The following MED13 variants were observed in gnomAD, a reference collection of about 807,000 sequenced individuals.
MED13 encodes mediator complex subunit 13, also known as mediator of RNA polymerase II transcription subunit 13.
A neutral mutation model predicts 225.2 loss-of-function variants in MED13; 23 were observed. The observed-to-expected ratio is 0.10, with a 90% CI of 0.07 to 0.14. The LOEUF is 0.14. Ranked by LOEUF, MED13 falls within the 10% of genes least tolerant of loss-of-function variation. MED13 has a pLI of 1.00. For synonymous variants in MED13, 942 were observed against 889.2 expected, an observed-to-expected ratio of 1.06 and a Z score of -1.06; for missense variants, 2,197 against 2,594.5, an observed-to-expected ratio of 0.85 and a Z score of 3.33.
At chr17:62,033,471 AAC>A (rs2080775341) in intron 5 of MED13, among the ~76,000 whole-genome samples, 1 of 152,216 alleles carries the variant, frequency 6.6e-6, no homozygotes, top group South Asian at 2.1e-4. Flanking sequence ...GAGCAGATGT[AAC>A]ATACACCATA....
chr17:62,045,702 T>G (rs1383622744), intron 3 of MED13, among the ~76,000 whole-genome samples: 1 of 152,126 alleles, frequency 6.6e-6, no homozygotes, highest in Non-Finnish European at 1.5e-5. Flanking sequence ...TGTGATCCAG[T>G]CCCCAGCAAT....
chr17:62,015,913 C>CAT (rs1369178569), intron 8 of MED13, among the ~76,000 whole-genome samples: 2 of 12,056 alleles, frequency 1.7e-4, no homozygotes, highest in East Asian at 4.3e-3. Context: ...ACACACTATA[C>CAT]ACATATATAT....
chr17:62,058,678 T>C (rs1188471816), intron 2 of MED13, among the ~76,000 whole-genome samples: 1 of 152,164 alleles, frequency 6.6e-6, no homozygotes, highest in South Asian at 2.1e-4. Context: ...AAATCATCTA[T>C]GTTTGGCTTT....
chr17:61,992,663 A>G (rs992576556), intron 10 of MED13, 42 bp from the exon 11 acceptor site: 10 of 1,389,566 alleles, frequency 7.2e-6, no homozygotes, highest in Non-Finnish European at 1.0e-5. Context: ...TATATAATTT[A>G]CCAACAATAA....
At chr17:61,998,546 G>A (rs1442114966) in intron 9 of MED13, among the ~76,000 whole-genome samples, 2 of 150,890 alleles carry the variant, frequency 1.3e-5, no homozygotes, top group East Asian at 1.9e-4. Flanking sequence ...AGCTACAGAC[G>A]GAAAGTTAAG....
At chr17:62,021,559 T>C (rs996474950) in intron 8 of MED13, among the ~76,000 whole-genome samples, 7 of 152,248 alleles carry the variant, frequency 4.6e-5, no homozygotes, top group Non-Finnish European at 4.4e-5. Flanking sequence ...AGTTTTCCTA[T>C]GAACATTCCA....
In MED13 at chr17:61,943,323, T is replaced by G. The variant is rs1161878472; in HGVS notation, c.*3145A>C. 6.6e-6 allele frequency: 1 copy of G among 152,628 alleles called. No individual in the cohort carries two copies. Among genetic ancestry groups the G allele is most frequent in the African/African-American group, 2.4e-5 (1 of 41,468 alleles). 9.5% of individuals were successfully genotyped at this position (152,628 alleles called of 1,614,324 possible). A position where few individuals can be genotyped will look rare whatever the true frequency, so the allele number is the denominator to read the frequency against. ...ATATGATGCAATAGCATTTAAAAAC[T>G]TTTTAATCTATTCAATTTGAACATT... On this transcript the variant is annotated 3_prime_UTR_variant, in exon 30 of 30. Transcript: ENST00000397786.
At chr17:61,984,074 A>C in intron 15 of MED13, 97 bp downstream of exon 15, 1 of 1,013,364 alleles carries the variant, frequency 9.9e-7, no homozygotes, top group Non-Finnish European at 1.4e-6. Flanking sequence ...AATTTTCAAA[A>C]ACCAATTTTA....
At chr17:61,965,961 T>G (rs1242259968) in intron 19 of MED13, among the ~76,000 whole-genome samples, 2 of 152,202 alleles carry the variant, frequency 1.3e-5, no homozygotes, top group Non-Finnish European at 2.9e-5. Flanking sequence ...TGATCTTTAT[T>G]TTCAAGAGTA....
chr17:61,973,551 A>G (rs1388803178), intron 16 of MED13, among the ~76,000 whole-genome samples: 2 of 152,244 alleles, frequency 1.3e-5, no homozygotes, highest in Non-Finnish European at 2.9e-5. Context: ...AAAGATATTG[A>G]TATAATAAAT....
intron 16 of MED13, among the ~76,000 whole-genome samples, chr17:61,976,857 G>A (rs943931186): frequency 1.3e-5 from 2 of 152,138 alleles, no homozygotes; most frequent in Non-Finnish European, 2.9e-5. Context: ...GCGTGATCCC[G>A]GTAGGCGGAG....
intron 8 of MED13, among the ~76,000 whole-genome samples, chr17:62,012,019 C>T (rs986162240): frequency 3.3e-5 from 5 of 151,996 alleles, no homozygotes; most frequent in Admixed American, 3.3e-4. Context: ...GAGTTCGAGA[C>T]CAGCTTGGCC....
At chr17:61,951,515 T>C (rs114803785) in intron 27 of MED13, among the ~76,000 whole-genome samples, 1,944 of 152,138 alleles carry the variant, frequency 0.013, 40 homozygotes, top group African/African-American at 0.044. Context: ...TATTTAAAAA[T>C]AGATAAAATA....
At position 61,982,237 on chromosome 17, in the gene MED13, C is replaced by G. The variant is rs1189568307; in HGVS notation, c.3766G>C (p.Val1256Leu). The G allele has an allele frequency of 1.2e-6, 2 of 1,613,970 alleles. No homozygotes were observed. Among genetic ancestry groups the G allele is most frequent in the African/African-American group, 2.7e-5 (2 of 74,938 alleles). The change falls in exon 16 of 30, where the codon GTG becomes CTG. Residue 1256 changes from valine (V) to leucine (L), a missense_variant. Physicochemically the swap from Val to Leu is conservative, Grantham distance 32. Coordinates refer to ENST00000397786, the MANE Select transcript of MED13 (RefSeq NM_005121.3). ...CAGGGGTGTAAGCATGAACTTTTCA[C>G]AAGTGCTTCATCAACTTTTCCTCCT... Reference protein sequence around the residue: ...MSGGKVDEALVKSSCLHPWSK... With the variant: ...MSGGKVDEALLKSSCLHPWSK...
chr17:61,991,081 C>A (rs747529737), intron 11 of MED13, among the ~76,000 whole-genome samples: 1 of 152,122 alleles, frequency 6.6e-6, no homozygotes, highest in Non-Finnish European at 1.5e-5. Flanking sequence ...ACAACACAAT[C>A]ATAGTTGAGC....
Position 62,047,685 on chromosome 17 carries a change from C to T in MED13, c.470+4852G>A, listed in dbSNP as rs114328862. 6.6e-3 allele frequency among the ~76,000 whole-genome samples: 1,004 copies of T among 151,826 alleles called. 11 individuals are homozygous for T. Among genetic ancestry groups the T allele is most frequent in the African/African-American group, 0.023 (943 of 41,370 alleles). On this transcript the variant is annotated intron_variant, in intron 3 of 29. Transcript: ENST00000397786. ...TTATGTATCTATTAACAAACCTGCA[C>T]GTTCTGCACATGTATTGCAGAACTT...
intron 23 of MED13, among the ~76,000 whole-genome samples, chr17:61,960,154 T>C (rs1403281527): frequency 6.6e-6 from 1 of 152,236 alleles, no homozygotes. Context: ...TATTAAGTGA[T>C]AACTCAAAAT....
At chr17:61,959,787 G>A (rs186989572) in intron 23 of MED13, among the ~76,000 whole-genome samples, 3 of 148,634 alleles carry the variant, frequency 2.0e-5, no homozygotes, top group Admixed American at 1.3e-4. Context: ...AAAGTGCAGT[G>A]GTGCAATCTC....
intron 9 of MED13, chr17:62,003,742 A>G (rs1463242968): frequency 2.0e-5 from 3 of 151,776 alleles, no homozygotes; most frequent in South Asian, 2.1e-4. Flanking sequence ...TCCCTTGTCT[A>G]TAAGGCAGAA....
Sources: gnomAD v4.1 joint callset for allele counts (sites outside exome capture counted in the v4.1 genomes callset) on GRCh38, gnomAD v4.1.1 for gene constraint, MANE v1.5 for transcripts, NCBI Gene and HGNC (gene_info 2026-07-23, HGNC 2026-07-21) for gene names.